Variants in NFIB observed in about 807,000 individuals in gnomAD.
NFIB encodes the protein nuclear factor 1 B-type.
NFIB carries 11 observed loss-of-function variants against 61.5 expected under a neutral mutation model. The ratio of observed to expected loss-of-function variants is 0.18; its 90% CI spans 0.11 to 0.30. The LOEUF is 0.30. Among genes scored for constraint, NFIB ranks in the 10% least tolerant of loss-of-function variants. The probability of loss-of-function intolerance (pLI) is 1.00; values close to 1 mark genes in which losing one functional copy is unlikely to be tolerated. For missense variants in NFIB, 471 were observed against 608.9 expected, an observed-to-expected ratio of 0.77 and a Z score of 2.38; for synonymous variants, 260 against 216.5, an observed-to-expected ratio of 1.20 and a Z score of -1.76.
At chr9:14,292,453 A>C (rs2059166642) in intron 2 of NFIB, among the ~76,000 whole-genome samples, 5 of 152,238 alleles carry the variant, frequency 3.3e-5, no homozygotes, top group South Asian at 2.1e-4. Flanking sequence ...AATGTATTAA[A>C]ACCCTAAATT....
At chr9:14,408,670 G>A in the NFIB span, among the ~76,000 whole-genome samples, 2 of 152,264 alleles carry the variant, frequency 1.3e-5, no homozygotes, top group Middle Eastern at 3.4e-3. Context: ...AAAGTTGGAT[G>A]TTTTATTAGT....
the NFIB span, among the ~76,000 whole-genome samples, chr9:14,428,808 C>T: frequency 6.6e-6 from 1 of 152,130 alleles, no homozygotes; most frequent in Non-Finnish European, 1.5e-5. Context: ...TGATAATACA[C>T]TGAAAATAGG....
rs2119156018 is a variant in NFIB at position 14,120,889 on chromosome 9, T to C, written c.1061-265A>G. 6.6e-6 allele frequency among the ~76,000 whole-genome samples: 1 copy of C among 152,336 alleles called. No individual in the cohort carries two copies. The highest frequency in any genetic ancestry group is 2.1e-4 in the South Asian group (1 of 4,828). On this transcript the variant is annotated intron_variant, in intron 7 of 10. Transcript: ENST00000380953. This position sits in a 1 kb window ranked among gnomAD's most constrained non-coding sequence, Gnocchi z 4.4. ...TGTGAGTGGTTACAAAATCAGTTTCTCTTTTATAGGTTATGTCAATACTTG... is the reference window on the plus strand; with the variant it reads ...TGTGAGTGGTTACAAAATCAGTTTCCCTTTTATAGGTTATGTCAATACTTG...
intron 2 of NFIB, among the ~76,000 whole-genome samples, chr9:14,259,259 T>C (rs1240319753): frequency 6.6e-6 from 1 of 152,088 alleles, no homozygotes. Flanking sequence ...GAAGAGAAAG[T>C]GAAAAGGCCT....
At chr9:14,435,105 G>A in the NFIB span, among the ~76,000 whole-genome samples, 1 of 152,160 alleles carries the variant, frequency 6.6e-6, no homozygotes, top group Admixed American at 6.5e-5. Flanking sequence ...CCACATAGAA[G>A]ATTCTTGCTT....
At chr9:14,200,288 A>C (rs988566198) in intron 2 of NFIB, among the ~76,000 whole-genome samples, 1 of 152,210 alleles carries the variant, frequency 6.6e-6, no homozygotes, top group Non-Finnish European at 1.5e-5. Context: ...GATTACAATA[A>C]ACATAATCCA....
intron 1 of NFIB, among the ~76,000 whole-genome samples, chr9:14,371,455 A>G (rs2061357926): frequency 6.6e-6 from 1 of 152,144 alleles, no homozygotes. Flanking sequence ...GGGCTATAGG[A>G]TCTCATTCTG....
chr9:14,237,529 T>C (rs1230911572), intron 2 of NFIB, among the ~76,000 whole-genome samples: 1 of 152,138 alleles, frequency 6.6e-6, no homozygotes, highest in Non-Finnish European at 1.5e-5. Context: ...TGTCTGATCT[T>C]TTCACTGCTC....
intron 8 of NFIB, among the ~76,000 whole-genome samples, chr9:14,119,174 A>G (rs1481440026): frequency 2.0e-5 from 3 of 152,164 alleles, no homozygotes; most frequent in Non-Finnish European, 2.9e-5. Flanking sequence ...AAAATGCTCT[A>G]TGGAACTGAG....
intron 6 of NFIB, among the ~76,000 whole-genome samples, chr9:14,140,127 T>C (rs1016622542): frequency 3.9e-5 from 6 of 152,214 alleles, no homozygotes; most frequent in African/African-American, 1.4e-4. Flanking sequence ...ATCCCTGTGA[T>C]ACTAACTGCA....
At chr9:14,180,178 C>G (rs572075365) in intron 2 of NFIB, among the ~76,000 whole-genome samples, 6 of 152,112 alleles carry the variant, frequency 3.9e-5, no homozygotes, top group African/African-American at 1.4e-4. Context: ...ATTTAAAAGC[C>G]TGAAAGTATG....
At chr9:14,458,931 GGC>G in the NFIB span, among the ~76,000 whole-genome samples, 1 of 151,842 alleles carries the variant, frequency 6.6e-6, no homozygotes, top group Non-Finnish European at 1.5e-5. Context: ...TCGTGAAAAT[GGC>G]CATACTGCCC....
chr9:14,403,881 C>G (rs1306187260), upstream of NFIB, among the ~76,000 whole-genome samples: 1 of 152,100 alleles, frequency 6.6e-6, no homozygotes, highest in Non-Finnish European at 1.5e-5. Flanking sequence ...ATAAGACATA[C>G]TCAAGGCCAC....
intron 2 of NFIB, among the ~76,000 whole-genome samples, chr9:14,183,606 T>C (rs965464234): frequency 4.6e-5 from 7 of 151,902 alleles, no homozygotes; most frequent in Non-Finnish European, 8.8e-5. Context: ...GGTTTCACCA[T>C]GTTGGTCAGG....
chr9:14,306,866 A>G (rs2060046249), intron 2 of NFIB, 123 bp downstream of exon 2: 1 of 1,197,586 alleles, frequency 8.4e-7, no homozygotes, highest in African/African-American at 1.5e-5. Flanking sequence ...ACCCTACTAT[A>G]CCCAGAGAGG....
At chr9:14,376,056 CT>C (rs2061415345) in intron 1 of NFIB, among the ~76,000 whole-genome samples, 1 of 152,124 alleles carries the variant, frequency 6.6e-6, no homozygotes, top group Non-Finnish European at 1.5e-5. Context: ...AGCTATGGAA[CT>C]TTTTAAAAAA....
intron 1 of NFIB, among the ~76,000 whole-genome samples, chr9:14,376,904 T>C (rs1231192599): frequency 6.6e-6 from 1 of 152,162 alleles, no homozygotes; most frequent in African/African-American, 2.4e-5. Flanking sequence ...ATTGCCTTCC[T>C]ACAATGATAC....
intron 1 of NFIB, among the ~76,000 whole-genome samples, chr9:14,373,707 T>G (rs1272940997): frequency 2.0e-5 from 3 of 150,036 alleles, no homozygotes; most frequent in Admixed American, 6.7e-5. Context: ...ATAAAGAAAA[T>G]GAGTGAAAAG....
chr9:14,313,244 C>A lies in NFIB; in HGVS notation c.30+238G>T, dbSNP rs1036481967. On this transcript the variant is annotated intron_variant, in intron 1 of 10. Coordinates refer to ENST00000380953, the MANE Select transcript of NFIB (RefSeq NM_001190737.2). This position sits in a 1 kb window ranked among gnomAD's most constrained non-coding sequence, Gnocchi z 4.5. Reference sequence around the variant, plus strand: ...CCTGCCCACCCCCCGGCGGCCTTGCCCGGCCCAGCGCCCGCGCTCCGTGCC... The same window carrying A: ...CCTGCCCACCCCCCGGCGGCCTTGCACGGCCCAGCGCCCGCGCTCCGTGCC... Among the ~76,000 whole-genome samples the A allele has an allele frequency of 1.3e-4, 19 of 151,664 alleles. No homozygotes were observed. The highest frequency in any genetic ancestry group is 3.9e-4 in the African/African-American group (16 of 41,482).
Sources: gnomAD v4.1 joint callset for allele counts (sites outside exome capture counted in the v4.1 genomes callset) on GRCh38, gnomAD v4.1.1 for gene constraint, Gnocchi (gnomAD v3.1) non-coding constraint, MANE v1.5 for transcripts, NCBI Gene and HGNC (gene_info 2026-07-23, HGNC 2026-07-21) for gene names.